SPAG16: variants seen among roughly 807,000 people sequenced by gnomAD.
The protein encoded by SPAG16 is sperm associated antigen 16.
SPAG16 carries 86 observed loss-of-function variants against 80.4 expected under a neutral mutation model. The observed-to-expected ratio is 1.07, with a 90% CI of 0.90 to 1.28. SPAG16 has a LOEUF of 1.28. Among genes scored for constraint, SPAG16 ranks in the 50% most tolerant of loss-of-function variants. SPAG16 has a pLI of 0.00. For missense variants in SPAG16, 870 were observed against 765.3 expected, an observed-to-expected ratio of 1.14 and a Z score of -1.61; for synonymous variants, 294 against 265.9, an observed-to-expected ratio of 1.11 and a Z score of -1.03.
intron 6 of SPAG16, among the ~76,000 whole-genome samples, chr2:213,348,332 G>A (rs2065119761): frequency 6.6e-6 from 1 of 152,060 alleles, no homozygotes; most frequent in South Asian, 2.1e-4. Context: ...TCCTTATCCA[G>A]TTTGCCAGTC....
Position 213,743,628 on chromosome 2 carries a change from C to G in SPAG16, c.1071-118857C>G, listed in dbSNP as rs562320826. On this transcript the variant is annotated intron_variant, in intron 10 of 15. Coordinates refer to ENST00000331683, the MANE Select transcript of SPAG16 (RefSeq NM_024532.5). Reference sequence around the variant, plus strand: ...AGCAGTCTGCTGTCAGTCAAACTGTCCCTCCTTTGTGGTAAATTTGTCTGT... The same window carrying G: ...AGCAGTCTGCTGTCAGTCAAACTGTGCCTCCTTTGTGGTAAATTTGTCTGT... 2.0e-5 allele frequency among the ~76,000 whole-genome samples: 3 copies of G among 152,266 alleles called. No individual in the cohort carries two copies. In the South Asian group the frequency reaches 6.2e-4, roughly 32 times the overall value.
chr2:214,036,987 C>CT (rs1331286474), intron 13 of SPAG16, among the ~76,000 whole-genome samples: 4 of 151,888 alleles, frequency 2.6e-5, no homozygotes, highest in African/African-American at 9.7e-5. Flanking sequence ...TACTAATATT[C>CT]TAAAAGTGAG....
intron 15 of SPAG16, among the ~76,000 whole-genome samples, chr2:214,183,066 A>G (rs1425686074): frequency 2.6e-5 from 4 of 151,890 alleles, no homozygotes; most frequent in African/African-American, 9.7e-5. Flanking sequence ...ATTAGTGATA[A>G]TCTCCAGTTT....
intron 9 of SPAG16, among the ~76,000 whole-genome samples, chr2:213,478,576 T>C (rs932741770): frequency 6.6e-6 from 1 of 152,206 alleles, no homozygotes; most frequent in Admixed American, 6.5e-5. Flanking sequence ...CTCTCGAGGA[T>C]GGTGATTCAC....
chr2:214,181,938 C>T (rs2057320333), intron 15 of SPAG16, among the ~76,000 whole-genome samples: 1 of 151,734 alleles, frequency 6.6e-6, no homozygotes, highest in African/African-American at 2.4e-5. Flanking sequence ...CTGTTAAATT[C>T]AGCCACCACC....
chr2:213,468,632 AAAT>A (rs1191295715), intron 9 of SPAG16, among the ~76,000 whole-genome samples: 2 of 137,442 alleles, frequency 1.5e-5, no homozygotes, highest in African/African-American at 2.9e-5. Flanking sequence ...GATATATATA[AAAT>A]AATATCTCCT....
intron 15 of SPAG16, among the ~76,000 whole-genome samples, chr2:214,355,149 A>G (rs1472019430): frequency 6.6e-6 from 1 of 151,082 alleles, no homozygotes; most frequent in East Asian, 1.9e-4. Flanking sequence ...AGCAATGGCA[A>G]CAAAAGCCAA....
chr2:213,920,814 C>T (rs1025710565), intron 11 of SPAG16, among the ~76,000 whole-genome samples: 1 of 152,240 alleles, frequency 6.6e-6, no homozygotes, highest in African/African-American at 2.4e-5. Context: ...CATCTCTTGT[C>T]ATACTCTGCC....
intron 15 of SPAG16, among the ~76,000 whole-genome samples, chr2:214,313,378 T>C (rs1371247078): frequency 6.6e-6 from 1 of 152,144 alleles, no homozygotes; most frequent in Non-Finnish European, 1.5e-5. Context: ...TTAATTTACA[T>C]GTGTCAGAGT....
chr2:214,024,735 A>C (rs1345054832), intron 13 of SPAG16, among the ~76,000 whole-genome samples: 2 of 151,614 alleles, frequency 1.3e-5, no homozygotes, highest in Non-Finnish European at 3.0e-5. Flanking sequence ...CTAAAGGAAA[A>C]GCATGCATCT....
At chr2:213,834,452 G>A (rs1228792069) in intron 10 of SPAG16, among the ~76,000 whole-genome samples, 1 of 152,208 alleles carries the variant, frequency 6.6e-6, no homozygotes, top group Non-Finnish European at 1.5e-5. Context: ...ATTAAACTAA[G>A]TGGAGTTTAG....
At chr2:213,651,761 T>C (rs1048552391) in intron 10 of SPAG16, among the ~76,000 whole-genome samples, 1 of 152,196 alleles carries the variant, frequency 6.6e-6, no homozygotes, top group South Asian at 2.1e-4. Flanking sequence ...ATGGTATCTT[T>C]AGGTTGTTTC....
chr2:213,425,958 G>A (rs79748029), intron 9 of SPAG16, among the ~76,000 whole-genome samples: 1 of 152,100 alleles, frequency 6.6e-6, no homozygotes, highest in Non-Finnish European at 1.5e-5. Context: ...GTGCCAGGAA[G>A]CATTTTCTCA....
chr2:214,231,589 A>C (rs1340131131), intron 15 of SPAG16, among the ~76,000 whole-genome samples: 1 of 152,092 alleles, frequency 6.6e-6, no homozygotes, highest in Non-Finnish European at 1.5e-5. Context: ...AAAATACATC[A>C]TCTATGCTAG....
At chr2:213,765,278 C>T (rs1166327429) in intron 10 of SPAG16, among the ~76,000 whole-genome samples, 3 of 151,922 alleles carry the variant, frequency 2.0e-5, no homozygotes, top group Admixed American at 6.6e-5. Flanking sequence ...CTGAGGCAGG[C>T]GAATTGCTTG....
At chr2:213,762,837 T>A (rs2068734125) in intron 10 of SPAG16, among the ~76,000 whole-genome samples, 1 of 151,418 alleles carries the variant, frequency 6.6e-6, no homozygotes, top group Admixed American at 6.6e-5. Flanking sequence ...TCCAACAGAG[T>A]GAAAATGCAG....
At chr2:213,847,087 G>C (rs2074668252) in intron 10 of SPAG16, among the ~76,000 whole-genome samples, 1 of 152,030 alleles carries the variant, frequency 6.6e-6, no homozygotes, top group African/African-American at 2.4e-5. Context: ...TTCAAAATAG[G>C]CTAGGCAGAT....
chr2:214,165,468 C>CGTTTTTTTTTTT (rs1559097686), intron 15 of SPAG16, among the ~76,000 whole-genome samples: 1 of 77,960 alleles, frequency 1.3e-5, no homozygotes, highest in African/African-American at 7.0e-5. Flanking sequence ...GCATCACCAT[C>CGTTTTTTTTTTT]CTTTTTTTTT....
chr2:214,277,773 CT>C (rs778892984), intron 15 of SPAG16, among the ~76,000 whole-genome samples: 1 of 152,348 alleles, frequency 6.6e-6, no homozygotes, highest in Non-Finnish European at 1.5e-5. Flanking sequence ...CAGGGACCCA[CT>C]TGAGGAAGCA....
Sources: allele counts gnomAD v4.1 joint callset (sites outside exome capture counted in the v4.1 genomes callset), GRCh38; gene constraint gnomAD v4.1.1; transcripts MANE v1.5; gene names NCBI Gene and HGNC (gene_info 2026-07-23, HGNC 2026-07-21).